Variants in CRIM1 observed in about 807,000 individuals in gnomAD.
CRIM1 encodes the protein cysteine rich transmembrane BMP regulator 1.
In CRIM1, 32 loss-of-function variants were observed where a neutral mutation model predicts 116.4. That is an observed-to-expected ratio of 0.27 (90% CI 0.21 to 0.37). The LOEUF (loss-of-function observed/expected upper bound fraction) is 0.37. Among genes scored for constraint, CRIM1 ranks in the 10% least tolerant of loss-of-function variants. CRIM1 has a pLI of 1.00. For missense variants in CRIM1, 1,331 were observed against 1,354.8 expected (o/e 0.98, Z 0.28); for synonymous variants, 590 against 509.2 (o/e 1.16, Z -2.13).
intron 13 of CRIM1, among the ~76,000 whole-genome samples, chr2:36,526,711 G>C (rs1259912716): frequency 2.6e-5 from 4 of 152,190 alleles, no homozygotes; most frequent in Non-Finnish European, 5.9e-5. Flanking sequence ...CTGGAGGGGG[G>C]ACCGTGAGTC....
At chr2:36,449,441 A>G (rs962852681) in intron 4 of CRIM1, among the ~76,000 whole-genome samples, 2 of 152,226 alleles carry the variant, frequency 1.3e-5, no homozygotes, top group Admixed American at 1.3e-4. Context: ...GTAAGCAGAC[A>G]CATACCTGTG....
chr2:36,404,254 T>G (rs1294554490), intron 2 of CRIM1, among the ~76,000 whole-genome samples: 1 of 152,226 alleles, frequency 6.6e-6, no homozygotes, highest in Non-Finnish European at 1.5e-5. Flanking sequence ...TTATTTTAAT[T>G]AATTGTTAAT....
intron 2 of CRIM1, among the ~76,000 whole-genome samples, chr2:36,435,821 C>A (rs1249738721): frequency 2.0e-5 from 3 of 151,804 alleles, no homozygotes; most frequent in African/African-American, 7.3e-5. Flanking sequence ...TATTTTAATA[C>A]TAACTTCTTA....
chr2:36,393,390 A>G (rs1457639286), intron 1 of CRIM1, among the ~76,000 whole-genome samples: 1 of 152,132 alleles, frequency 6.6e-6, no homozygotes, highest in Non-Finnish European at 1.5e-5. Context: ...GTGTGTGTAT[A>G]TATGTATACA....
chr2:36,446,839 A>G (rs1044256325), intron 4 of CRIM1, among the ~76,000 whole-genome samples: 2 of 152,154 alleles, frequency 1.3e-5, no homozygotes, highest in Non-Finnish European at 2.9e-5. Flanking sequence ...GGAAAATGGG[A>G]CTGTCTGTGA....
chr2:36,422,379 G>T (rs1228927156), intron 2 of CRIM1, among the ~76,000 whole-genome samples: 2 of 152,072 alleles, frequency 1.3e-5, no homozygotes, highest in South Asian at 2.1e-4. Flanking sequence ...GTTAATAAAA[G>T]GTGGCAGGGT....
chr2:36,426,809 G>GT (rs1329076545), intron 2 of CRIM1, among the ~76,000 whole-genome samples: 1 of 152,108 alleles, frequency 6.6e-6, no homozygotes, highest in Admixed American at 6.5e-5. Context: ...ACATTTTTAT[G>GT]TTTTTTAATT....
At chr2:36,428,434 C>T (rs1230273576) in intron 2 of CRIM1, among the ~76,000 whole-genome samples, 1 of 152,182 alleles carries the variant, frequency 6.6e-6, no homozygotes, top group Non-Finnish European at 1.5e-5. Flanking sequence ...ATCTCTAATT[C>T]ATCTTTTTTG....
intron 1 of CRIM1, among the ~76,000 whole-genome samples, chr2:36,357,825 G>A (rs931853614): frequency 6.6e-5 from 10 of 152,162 alleles, no homozygotes; most frequent in Admixed American, 5.2e-4. Context: ...ACCGTCCAGG[G>A]AACGGTTTAT....
intron 14 of CRIM1, among the ~76,000 whole-genome samples, chr2:36,540,737 G>A (rs1666888198): frequency 6.6e-6 from 1 of 152,202 alleles, no homozygotes; most frequent in Admixed American, 6.5e-5. Flanking sequence ...ACAGGGTGGT[G>A]TGCAGGAAGG....
intron 5 of CRIM1, among the ~76,000 whole-genome samples, chr2:36,474,915 ATG>A (rs1469283493): frequency 6.6e-6 from 1 of 151,622 alleles, no homozygotes; most frequent in Non-Finnish European, 1.5e-5. Context: ...ATACCTGTAA[ATG>A]TGATAGTTTA....
intron 2 of CRIM1, among the ~76,000 whole-genome samples, chr2:36,436,036 G>C (rs527866416): frequency 2.6e-5 from 4 of 151,298 alleles, no homozygotes; most frequent in Admixed American, 2.0e-4. Context: ...AGTTAGGAGA[G>C]ACTTCAAATA....
intron 13 of CRIM1, 131 bp downstream of exon 13, chr2:36,522,444 G>T (rs1665457769): frequency 2.9e-6 from 2 of 692,622 alleles, no homozygotes; most frequent in Admixed American, 4.5e-5. Flanking sequence ...CACAGACCCA[G>T]TGTAGCAACA....
chr2:36,464,385 C>T, intron 4 of CRIM1, 149 bp from the exon 5 acceptor site: 1 of 770,220 alleles, frequency 1.3e-6, no homozygotes, highest in Non-Finnish European at 2.1e-6. Flanking sequence ...CCCCTCCTGC[C>T]TTCCCATTTC....
chr2:36,539,240 T>G (rs574894179), intron 14 of CRIM1, among the ~76,000 whole-genome samples: 28 of 152,216 alleles, frequency 1.8e-4, no homozygotes, highest in Non-Finnish European at 3.5e-4. Context: ...AGACCCAGAA[T>G]TGCAGTTCTC....
At chr2:36,491,548 T>C (rs938415482) in intron 7 of CRIM1, among the ~76,000 whole-genome samples, 2 of 152,212 alleles carry the variant, frequency 1.3e-5, no homozygotes, top group Non-Finnish European at 2.9e-5. Context: ...GGAGCTCTTC[T>C]TTGCCAAATA....
At chr2:36,408,797 A>G (rs1350333906) in intron 2 of CRIM1, among the ~76,000 whole-genome samples, 2 of 152,208 alleles carry the variant, frequency 1.3e-5, no homozygotes, top group Admixed American at 1.3e-4. Flanking sequence ...AGAAGAAAAA[A>G]AAAAAGTCTG....
In CRIM1 at chr2:36,413,343, G is replaced by A. The variant is rs376648549; in HGVS notation, c.505+16556G>A. ...TAAAGGACATAGTCTCATAGCAGAGGAAATGCCTCAAATTCTAGCATCTGG... is the reference window on the plus strand; with the variant it reads ...TAAAGGACATAGTCTCATAGCAGAGAAAATGCCTCAAATTCTAGCATCTGG... On this transcript the variant is annotated intron_variant, in intron 2 of 16. Coordinates refer to ENST00000280527, the MANE Select transcript of CRIM1 (RefSeq NM_016441.3). Among the ~76,000 whole-genome samples the A allele has an allele frequency of 1.4e-4, 22 of 152,262 alleles. No homozygotes were observed. The East Asian group carries it at 1.9e-3, about 13-fold the overall frequency.
intron 7 of CRIM1, among the ~76,000 whole-genome samples, chr2:36,485,666 C>G (rs555606058): frequency 6.6e-6 from 1 of 152,210 alleles, no homozygotes; most frequent in African/African-American, 2.4e-5. Context: ...TTTTGTGGCA[C>G]GGAGTCAAAC....
Sources: allele counts gnomAD v4.1 joint callset (sites outside exome capture counted in the v4.1 genomes callset), GRCh38; gene constraint gnomAD v4.1.1; transcripts MANE v1.5; gene names NCBI Gene and HGNC (gene_info 2026-07-23, HGNC 2026-07-21).